Variants in SNX13 observed in about 807,000 individuals in gnomAD.
SNX13 encodes sorting nexin 13.
SNX13 carries 45 observed loss-of-function variants against 133.6 expected under a neutral mutation model. The ratio of observed to expected loss-of-function variants is 0.34; its 90% confidence interval spans 0.27 to 0.43. The LOEUF (loss-of-function observed/expected upper bound fraction) is 0.43. SNX13 is among the 20% of genes least tolerant of loss of function. The pLI, the probability that SNX13 is intolerant of heterozygous loss-of-function variation, is 1.00. For synonymous variants in SNX13, 414 were observed against 373.9 expected (o/e 1.11, Z -1.24); for missense variants, 1,032 against 1,145.1 (o/e 0.90, Z 1.43).
At position 17,796,648 on chromosome 7, in the gene SNX13, G is replaced by A. The variant is rs188622556; in HGVS notation, c.2626+179C>T. The A allele has an allele frequency of 5.3e-5, 30 of 568,364 alleles. No individual in the cohort carries two copies. The Admixed American group carries it at 6.5e-4, about 12-fold the overall frequency. 35.2% of individuals were successfully genotyped at this position (568,364 alleles called of 1,614,324 possible). Reference sequence around the variant, plus strand: ...GATGTTAACAGTCCTTAGCTTTACAGTACTGTCATGAGGACTGATTAAGAA... The same window carrying A: ...GATGTTAACAGTCCTTAGCTTTACAATACTGTCATGAGGACTGATTAAGAA... On this transcript the variant is annotated intron_variant, in intron 25 of 25. Coordinates refer to ENST00000428135, the MANE Select transcript of SNX13 (RefSeq NM_015132.5).
At chr7:17,912,069 A>G (rs530564465) in intron 1 of SNX13, among the ~76,000 whole-genome samples, 1 of 152,196 alleles carries the variant, frequency 6.6e-6, no homozygotes, top group Non-Finnish European at 1.5e-5. Context: ...TTAGCAAAAT[A>G]GTGCATAAAG....
chr7:17,874,499 T>C (rs1794486410), intron 7 of SNX13, among the ~76,000 whole-genome samples: 1 of 152,194 alleles, frequency 6.6e-6, no homozygotes, highest in Non-Finnish European at 1.5e-5. Context: ...GTGTCAACTA[T>C]ACTTCTTAAC....
At chr7:17,903,721 A>G (rs1798097483) in intron 1 of SNX13, among the ~76,000 whole-genome samples, 1 of 152,232 alleles carries the variant, frequency 6.6e-6, no homozygotes, top group Non-Finnish European at 1.5e-5. Context: ...TTAACCCATA[A>G]AATTTGTCAG....
At chr7:17,894,220 T>C (rs532855145) in intron 2 of SNX13, among the ~76,000 whole-genome samples, 6 of 151,768 alleles carry the variant, frequency 4.0e-5, no homozygotes, top group Non-Finnish European at 8.8e-5. Flanking sequence ...GGAAAATTGC[T>C]TGAACCGGGG....
rs528572352 is a variant in SNX13 at position 17,873,448 on chromosome 7, C to T, written c.753+80G>A. ...TCTTCAATAATTTTTAAGAGTGTAA[C>T]AGGGTCTTAAGACAAAAATTTTGAA... On this transcript the variant is annotated intron_variant, in intron 8 of 25. Coordinates refer to ENST00000428135, the MANE Select transcript of SNX13 (RefSeq NM_015132.5). 9 of 591,804 alleles carry T rather than the reference C, an allele frequency of 1.5e-5. No individual in the cohort carries two copies. The South Asian group carries it at 3.3e-4, about 22-fold the overall frequency. 36.7% of individuals were successfully genotyped at this position (591,804 alleles called of 1,614,324 possible). A position where few individuals can be genotyped will look rare whatever the true frequency, so the allele number is the denominator to read the frequency against.
At chr7:17,821,266 T>C (rs935092334) in intron 18 of SNX13, among the ~76,000 whole-genome samples, 2 of 152,176 alleles carry the variant, frequency 1.3e-5, no homozygotes, top group African/African-American at 4.8e-5. Context: ...TGTATTCACT[T>C]TAATTTTCCA....
intron 12 of SNX13, among the ~76,000 whole-genome samples, chr7:17,841,132 T>A (rs899160247): frequency 2.0e-5 from 3 of 152,070 alleles, no homozygotes; most frequent in South Asian, 2.1e-4. Context: ...CTGCTTCTGA[T>A]CAAAGAGGTG....
intron 12 of SNX13, among the ~76,000 whole-genome samples, chr7:17,841,309 G>C (rs1454745771): frequency 1.3e-5 from 2 of 151,820 alleles, no homozygotes; most frequent in Admixed American, 1.3e-4. Flanking sequence ...TAAAAATGAG[G>C]ACATTCAAAA....
Position 17,891,630 on chromosome 7 carries a change from T to A in SNX13, c.234A>T (p.Leu78Phe). Residue 78 changes from leucine to phenylalanine, a missense_variant, in exon 4 of 26, where the codon TTA becomes TTT. Coordinates refer to ENST00000428135, the MANE Select transcript of SNX13 (RefSeq NM_015132.5). ...TCCTGGCTTCCCGTTTCATTTCTTC[T>A]AAGCACTTAAAGGAAATCAAAATAT... The part of the protein sequence containing the change: ...PPTSPGVPKC[L>F]EEMKREARTI... 1 of 1,610,536 alleles carries A rather than the reference T, an allele frequency of 6.2e-7. No homozygotes were observed.
At chr7:17,855,180 G>T (rs1791734329) in intron 9 of SNX13, among the ~76,000 whole-genome samples, 1 of 152,110 alleles carries the variant, frequency 6.6e-6, no homozygotes, top group Non-Finnish European at 1.5e-5. Context: ...TTCTATAAAG[G>T]CTGATAGAGG....
intron 1 of SNX13, among the ~76,000 whole-genome samples, chr7:17,925,241 A>G (rs1800614635): frequency 6.6e-6 from 1 of 152,134 alleles, no homozygotes; most frequent in Admixed American, 6.5e-5. Context: ...CCATAAAGAC[A>G]GATTAGTGAT....
intron 20 of SNX13, among the ~76,000 whole-genome samples, chr7:17,813,954 CT>C (rs1321263647): frequency 3.9e-5 from 6 of 151,964 alleles, no homozygotes; most frequent in African/African-American, 1.5e-4. Flanking sequence ...AAAAGATGGT[CT>C]TTTTAGGGGG....
intron 1 of SNX13, among the ~76,000 whole-genome samples, chr7:17,912,361 G>T (rs1379257224): frequency 1.3e-5 from 2 of 151,944 alleles, no homozygotes; most frequent in Non-Finnish European, 2.9e-5. Context: ...GACAGGAAAA[G>T]ACACCAGGAA....
chr7:17,884,146 A>C (rs1291209626), intron 5 of SNX13, among the ~76,000 whole-genome samples: 2 of 152,198 alleles, frequency 1.3e-5, no homozygotes, highest in African/African-American at 4.8e-5. Context: ...TAGAATCACA[A>C]CTATACAAAG....
At chr7:17,803,715 T>G in intron 20 of SNX13, 135 bp from the exon 21 acceptor site, 1 of 772,432 alleles carries the variant, frequency 1.3e-6, no homozygotes, top group South Asian at 2.4e-5. Flanking sequence ...TCGTTACATT[T>G]TAAAAGTACA....
chr7:17,796,733 T>C, intron 25 of SNX13, 94 bp downstream of exon 25: 1 of 856,994 alleles, frequency 1.2e-6, no homozygotes. Context: ...AGGTAGTTGT[T>C]ATAATCAAAA....
At chr7:17,895,329 T>C (rs1488906519) in intron 2 of SNX13, among the ~76,000 whole-genome samples, 1 of 152,110 alleles carries the variant, frequency 6.6e-6, no homozygotes, top group Non-Finnish European at 1.5e-5. Context: ...AAAATAACCA[T>C]AATGCAGTAA....
intron 17 of SNX13, among the ~76,000 whole-genome samples, chr7:17,822,545 A>T (rs1193305830): frequency 6.6e-6 from 1 of 152,068 alleles, no homozygotes; most frequent in Non-Finnish European, 1.5e-5. Context: ...TCTCTCTAGG[A>T]ATATTTTTAA....
chr7:17,874,810 A>G (rs1022613021), intron 7 of SNX13, among the ~76,000 whole-genome samples: 2 of 152,192 alleles, frequency 1.3e-5, no homozygotes, highest in Non-Finnish European at 1.5e-5. Flanking sequence ...GTAAACTCCT[A>G]CCAATAAAAG....
Sources: gnomAD v4.1 joint callset for allele counts (sites outside exome capture counted in the v4.1 genomes callset) on GRCh38, gnomAD v4.1.1 for gene constraint, MANE v1.5 for transcripts, NCBI Gene and HGNC (gene_info 2026-07-23, HGNC 2026-07-21) for gene names.